SNTG1: variants seen among roughly 807,000 people sequenced by gnomAD.
SNTG1 encodes the protein gamma-1-syntrophin.
A neutral mutation model predicts 74.7 loss-of-function variants in SNTG1; 39 were observed. The ratio of observed to expected loss-of-function variants is 0.52; its 90% confidence interval spans 0.40 to 0.68. The LOEUF (loss-of-function observed/expected upper bound fraction) is 0.68, where lower values mean the gene tolerates loss of function less well. SNTG1 is among the 30% of genes least tolerant of loss of function. SNTG1 has a pLI of 0.00. For synonymous variants in SNTG1, 254 were observed against 217.1 expected (o/e 1.17, Z -1.49); for missense variants, 685 against 609.5 (o/e 1.12, Z -1.30).
rs1802806783 is a variant in SNTG1, at chr8:50,796,225, A to C, written c.*3396A>C. On this transcript the variant is annotated 3_prime_UTR_variant, in exon 19 of 19. Transcript: ENST00000642720. ...GAAATCAGCAGTGTGGAGAAGCTTTAAAAGCACAAGGATGATCTTGTGCTT... is the reference window on the plus strand; with the variant it reads ...GAAATCAGCAGTGTGGAGAAGCTTTCAAAGCACAAGGATGATCTTGTGCTT... The C allele has an allele frequency of 6.6e-6, 1 of 152,054 alleles. No individual in the cohort carries two copies. The highest frequency in any genetic ancestry group is 6.6e-5 in the Admixed American group (1 of 15,242). The allele number at this position is 152,054 out of a possible 1,614,324, so 9.4% of individuals were successfully genotyped here.
chr8:50,641,102 T>C (rs772509562), intron 13 of SNTG1, among the ~76,000 whole-genome samples: 19 of 152,196 alleles, frequency 1.2e-4, no homozygotes, highest in Non-Finnish European at 2.6e-4. Flanking sequence ...CTCATTTAAC[T>C]AAACATGGCT....
At chr8:50,371,175 G>C (rs920211713) in intron 2 of SNTG1, among the ~76,000 whole-genome samples, 1 of 152,134 alleles carries the variant, frequency 6.6e-6, no homozygotes, top group Admixed American at 6.5e-5. Context: ...CCTACTACTG[G>C]ATCTCAGAAA....
At chr8:50,315,761 C>T (rs1310384865) in intron 2 of SNTG1, among the ~76,000 whole-genome samples, 1 of 152,078 alleles carries the variant, frequency 6.6e-6, no homozygotes, top group Non-Finnish European at 1.5e-5. Flanking sequence ...CATACTAATA[C>T]TAAGGATGCA....
At chr8:50,782,381 C>A (rs1224056634) in intron 18 of SNTG1, among the ~76,000 whole-genome samples, 1 of 152,190 alleles carries the variant, frequency 6.6e-6, no homozygotes, top group African/African-American at 2.4e-5. Flanking sequence ...TAGTCCCACA[C>A]TTCTTGGAAG....
intron 18 of SNTG1, among the ~76,000 whole-genome samples, chr8:50,759,169 T>C (rs2095590165): frequency 6.6e-6 from 1 of 152,130 alleles, no homozygotes; most frequent in Non-Finnish European, 1.5e-5. Context: ...TGTTTTTTTC[T>C]CATAAATTTG....
chr8:50,037,864 G>A (rs576471797), intron 1 of SNTG1, among the ~76,000 whole-genome samples: 1 of 152,288 alleles, frequency 6.6e-6, no homozygotes, highest in South Asian at 2.1e-4. Context: ...AAACTGATGA[G>A]AGAGTGTGGA....
intron 2 of SNTG1, among the ~76,000 whole-genome samples, chr8:50,205,711 T>G (rs2084198321): frequency 1.3e-5 from 2 of 152,222 alleles, no homozygotes; most frequent in African/African-American, 4.8e-5. Context: ...GTCTAACATG[T>G]AAGTCTTTAA....
intron 2 of SNTG1, among the ~76,000 whole-genome samples, chr8:50,239,399 G>A (rs1424917032): frequency 6.6e-6 from 1 of 152,146 alleles, no homozygotes; most frequent in African/African-American, 2.4e-5. Context: ...TGGTGGAAGG[G>A]GAAGCAGGCA....
chr8:50,753,989 A>G lies in SNTG1; in HGVS notation c.1395+1878A>G, dbSNP rs570008603. The stretch of plus-strand genomic sequence containing the variant: ...ATCAGAATGTTGGCCAGCCCTACAG[A>G]ATTGTTTAACCATACTTGTGTGTAT... On this transcript the variant is annotated intron_variant, in intron 18 of 18. Transcript: ENST00000642720. Among the ~76,000 whole-genome samples the G allele has an allele frequency of 3.3e-5, 5 of 152,110 alleles. No homozygotes were observed. In the South Asian group the frequency reaches 1.0e-3, roughly 31 times the overall value.
At chr8:50,584,041 C>A (rs2094630207) in intron 12 of SNTG1, among the ~76,000 whole-genome samples, 1 of 152,004 alleles carries the variant, frequency 6.6e-6, no homozygotes, top group Non-Finnish European at 1.5e-5. Context: ...TCTGTCCTTG[C>A]AATAGTTTGC....
intron 1 of SNTG1, among the ~76,000 whole-genome samples, chr8:50,018,286 G>A (rs1385099043): frequency 6.6e-6 from 1 of 151,992 alleles, no homozygotes; most frequent in Non-Finnish European, 1.5e-5. Context: ...CAGTAATAAA[G>A]ACACTGAGGT....
intron 15 of SNTG1, among the ~76,000 whole-genome samples, chr8:50,664,756 G>A (rs1007601892): frequency 1.3e-5 from 2 of 152,088 alleles, no homozygotes; most frequent in Non-Finnish European, 2.9e-5. Flanking sequence ...GAGGAAGATC[G>A]GACGTAACTG....
At chr8:49,910,871 C>G (rs542534563), upstream of SNTG1, 1 of 152,276 alleles carries the variant, frequency 6.6e-6, no homozygotes, top group African/African-American at 2.4e-5. Flanking sequence ...TGAAATAAGC[C>G]GTTTTCTGCC....
intron 2 of SNTG1, among the ~76,000 whole-genome samples, chr8:50,307,372 A>T (rs540471811): frequency 6.6e-6 from 1 of 152,048 alleles, no homozygotes; most frequent in Non-Finnish European, 1.5e-5. Flanking sequence ...ATATTTCATT[A>T]TTATTATTAT....
At chr8:49,956,603 T>G (rs912600198) in intron 1 of SNTG1, among the ~76,000 whole-genome samples, 3 of 152,364 alleles carry the variant, frequency 2.0e-5, no homozygotes, top group Non-Finnish European at 2.9e-5. Flanking sequence ...CAATTTCATT[T>G]ATTTTACTGA....
At chr8:50,743,465 C>G (rs1292795928) in intron 17 of SNTG1, among the ~76,000 whole-genome samples, 1 of 150,954 alleles carries the variant, frequency 6.6e-6, no homozygotes, top group Non-Finnish European at 1.5e-5. Flanking sequence ...CAACCTTTAA[C>G]AAAAAAACTT....
At chr8:50,550,553 C>T (rs1274458891) in intron 11 of SNTG1, among the ~76,000 whole-genome samples, 1 of 152,068 alleles carries the variant, frequency 6.6e-6, no homozygotes, top group African/African-American at 2.4e-5. Flanking sequence ...TGAGATTGAG[C>T]AACATTTAAA....
chr8:50,687,154 T>TA (rs201505626), intron 15 of SNTG1, among the ~76,000 whole-genome samples: 1 of 120,514 alleles, frequency 8.3e-6, no homozygotes, highest in African/African-American at 4.2e-5. Flanking sequence ...AAAAAAAAAA[T>TA]AAAATAAACA....
At chr8:50,486,956 T>C (rs1357851901) in intron 8 of SNTG1, among the ~76,000 whole-genome samples, 2 of 152,220 alleles carry the variant, frequency 1.3e-5, no homozygotes, top group African/African-American at 4.8e-5. Flanking sequence ...ATTACATTTA[T>C]TGATTTGCAT....
Sources: gnomAD v4.1 joint callset for allele counts (sites outside exome capture counted in the v4.1 genomes callset) on GRCh38, gnomAD v4.1.1 for gene constraint, MANE v1.5 for transcripts, NCBI Gene and HGNC (gene_info 2026-07-23, HGNC 2026-07-21) for gene names.